The following KIR2DL1 variants were observed in gnomAD, a reference collection of about 807,000 sequenced individuals.
KIR2DL1 encodes killer cell immunoglobulin-like receptor 2DL1.
A neutral mutation model predicts 33.9 loss-of-function variants in KIR2DL1; 38 were observed. The ratio of observed to expected loss-of-function variants is 1.12; its 90% CI spans 0.86 to 1.47. The LOEUF is 1.47. Among genes scored for constraint, KIR2DL1 ranks in the 40% most tolerant of loss-of-function variants. The pLI is 0.00. For synonymous variants in KIR2DL1, 179 were observed against 165.9 expected (o/e 1.08, Z -0.61); for missense variants, 531 against 433.9 (o/e 1.22, Z -1.99).
At position 54,775,519 on chromosome 19, in the gene KIR2DL1, C is replaced by T. The variant is rs2076227690; in HGVS notation, c.664+61C>T. The T allele has an allele frequency of 4.0e-6, 6 of 1,485,230 alleles. No individual in the cohort carries two copies. The Admixed American group carries it at 7.6e-5, about 19-fold the overall frequency. 92.0% of individuals were successfully genotyped at this position (1,485,230 alleles called of 1,614,324 possible). A position where few individuals can be genotyped will look rare whatever the true frequency, so the allele number is the denominator to read the frequency against. On this transcript the variant is annotated intron_variant, in intron 4 of 7. Transcript: ENST00000336077. ...TCCTAGAGCCTTAGCTGAGGAGCTTCCTGCTGAGGATGGAGAGAAGCATGG... is the reference window on the plus strand; with the variant it reads ...TCCTAGAGCCTTAGCTGAGGAGCTTTCTGCTGAGGATGGAGAGAAGCATGG...
In KIR2DL1 at chr19:54,769,857, C is replaced by T. The variant is rs369195922; in HGVS notation, c.7C>T (p.Leu3Phe). The T allele has an allele frequency of 7.0e-6, 11 of 1,570,488 alleles. No homozygotes were observed. The highest frequency in any genetic ancestry group is 8.7e-6 in the Non-Finnish European group (10 of 1,147,608). ...TGTCTGCTCCGGCAGCACCATGTCG[C>T]TCTTGGTCGTCAGCATGGCGTGTGT... MS[L>F]LVVSMACVGF... is the part of the protein sequence containing the mutation. Residue 3 changes from leucine (L) to phenylalanine (F), a missense_variant, in exon 1 of 8, where the codon CTC becomes TTC. Transcript: ENST00000336077.
At chr19:54,775,501 G>C in intron 4 of KIR2DL1, 43 bp downstream of exon 4, 1 of 1,529,874 alleles carries the variant, frequency 6.5e-7, no homozygotes, top group Admixed American at 1.9e-5. Flanking sequence ...TGATCCTAGA[G>C]CCTTAGCTGA....
intron 5 of KIR2DL1, among the ~76,000 whole-genome samples, chr19:54,779,143 T>A (rs1219994583): frequency 1.3e-5 from 2 of 148,352 alleles, no homozygotes; most frequent in Admixed American, 1.4e-4. Context: ...ACACTTCGAC[T>A]CACTGACTCA....
At position 54,774,270 on chromosome 19, in the gene KIR2DL1, G is replaced by C. The variant is rs1386136698; in HGVS notation, c.370+638G>C. On this transcript the variant is annotated intron_variant, in intron 3 of 7. Coordinates refer to ENST00000336077, the MANE Select transcript of KIR2DL1 (RefSeq NM_014218.3). ...GAAATCAGGGACACCAAAAAGCAAAGACATAAACACACAGAGAATGAGCCA... is the reference window on the plus strand; with the variant it reads ...GAAATCAGGGACACCAAAAAGCAAACACATAAACACACAGAGAATGAGCCA... Among the ~76,000 whole-genome samples the C allele has an allele frequency of 3.2e-4, 48 of 148,164 alleles. 2 individuals are homozygous for C. The highest frequency in any genetic ancestry group is 5.6e-4 in the Non-Finnish European group (37 of 66,192).
At chr19:54,773,258 G>A (rs1231815337) in intron 2 of KIR2DL1, 75 bp from the exon 3 acceptor site, 3 of 1,448,972 alleles carry the variant, frequency 2.1e-6, no homozygotes, top group African/African-American at 1.4e-5. Flanking sequence ...GGAAGGGGAA[G>A]CCTGACTCAA....
intron 3 of KIR2DL1, among the ~76,000 whole-genome samples, chr19:54,774,715 G>T (rs2076127743): frequency 6.8e-6 from 1 of 147,884 alleles, no homozygotes; most frequent in African/African-American, 2.5e-5. Context: ...GATAATAGAT[G>T]ATTGATGGAT....
chr19:54,781,903 C>G (rs1344505685), intron 5 of KIR2DL1, among the ~76,000 whole-genome samples: 5 of 151,980 alleles, frequency 3.3e-5, no homozygotes, highest in African/African-American at 1.2e-4. Context: ...CCAGTCTTCC[C>G]AGAGAAGACT....
At position 54,775,256 on chromosome 19, in the gene KIR2DL1, C is replaced by T. The variant is rs765401207; in HGVS notation, c.462C>T (p.Ser154=). The T allele has an allele frequency of 1.5e-5, 24 of 1,603,104 alleles. 1 individual carries two copies. The Middle Eastern group carries it at 6.7e-4, about 44-fold the overall frequency. The part of the protein sequence containing the change: ...NVTLSCSSRS[S]YDMYHLSREG... Reference sequence around the variant, plus strand: ...CCTTGTCCTGCAGCTCCCGGAGCTCCTATGACATGTACCATCTATCCAGGG... The same window carrying T: ...CCTTGTCCTGCAGCTCCCGGAGCTCTTATGACATGTACCATCTATCCAGGG... Residue 154 remains serine, a synonymous_variant, in exon 4 of 8, where the codon TCC becomes TCT. Transcript: ENST00000336077.
At chr19:54,780,225 A>G (rs2076792881) in intron 5 of KIR2DL1, 2 of 476,838 alleles carry the variant, frequency 4.2e-6, no homozygotes, top group East Asian at 6.0e-5. Flanking sequence ...TCAATAATAG[A>G]TAATGCTGAG....
chr19:54,781,707 A>G lies in KIR2DL1; in HGVS notation c.716-1215A>G, dbSNP rs1600858787. Among the ~76,000 whole-genome samples the G allele has an allele frequency of 5.9e-5, 9 of 152,208 alleles. No homozygotes were observed. The South Asian group carries it at 1.9e-3, about 32-fold the overall frequency. On this transcript the variant is annotated intron_variant, in intron 5 of 7. Transcript: ENST00000336077. ...TAATATGTGTCTCCCGAGATCACAA[A>G]GAGCAGCAGGTTTCACACGGGCTTC...
At chr19:54,780,687 G>C (rs1162519009) in intron 5 of KIR2DL1, among the ~76,000 whole-genome samples, 7 of 142,482 alleles carry the variant, frequency 4.9e-5, no homozygotes, top group Non-Finnish European at 1.1e-4. Context: ...AATGAATGAA[G>C]TAGATGGATA....
rs537689412 is a variant in KIR2DL1 at position 54,775,323 on chromosome 19, G to T, written c.529G>T (p.Val177Phe). 1 of 1,515,324 alleles carries T rather than the reference G, an allele frequency of 6.6e-7. No homozygotes were observed. The highest frequency in any genetic ancestry group is 1.9e-5 in the Admixed American group (1 of 53,360). 93.9% of individuals were successfully genotyped at this position (1,515,324 alleles called of 1,614,324 possible). The change falls in exon 4 of 8, where the codon GTC (valine) becomes TTC (phenylalanine). Residue 177 changes from valine (V) to phenylalanine (F), a missense_variant. Physicochemically the swap from Val to Phe is conservative, Grantham distance 50 (BLOSUM62 -1). Coordinates refer to ENST00000336077, the MANE Select transcript of KIR2DL1 (RefSeq NM_014218.3). ...ACGTAGGCTCCCTGCAGGGCCCAAG[G>T]TCAACGGAACATTCCAGGCTGACTT... is the stretch of plus-strand genomic sequence containing the variant. ...HERRLPAGPK[V>F]NGTFQADFPL...
Position 54,783,914 on chromosome 19 carries a change from C to T in KIR2DL1, c.*101C>T, listed in dbSNP as rs1179026987. On this transcript the variant is annotated 3_prime_UTR_variant, in exon 8 of 8. Transcript: ENST00000336077. ...TGTACCAGCAGCTGGAATCTGAAGGCGTGAGTCTGCATCTTAGGGCATCGA... is the reference window on the plus strand; with the variant it reads ...TGTACCAGCAGCTGGAATCTGAAGGTGTGAGTCTGCATCTTAGGGCATCGA... 79 of 1,509,802 alleles carry T rather than the reference C, an allele frequency of 5.2e-5. No individual in the cohort carries two copies. Among genetic ancestry groups the T allele is most frequent in the Middle Eastern group, 3.4e-4 (2 of 5,892 alleles). The allele number at this position is 1,509,802 out of a possible 1,614,324, so 93.5% of individuals were successfully genotyped here.
Position 54,770,536 on chromosome 19 carries a change from C to T in KIR2DL1, c.35-313C>T, listed in dbSNP as rs1359366221. ...TAAGGGCCTGGATTGGAGATATGGG[C>T]CCAGGGTGGAGATCTGAGCCTGGAT... On this transcript the variant is annotated intron_variant, in intron 1 of 7. Coordinates refer to ENST00000336077, the MANE Select transcript of KIR2DL1 (RefSeq NM_014218.3). Among the ~76,000 whole-genome samples, 265 of 145,208 alleles carry T rather than the reference C, an allele frequency of 1.8e-3. 14 individuals carry two copies. Among genetic ancestry groups the T allele is most frequent in the African/African-American group, 6.6e-3 (263 of 39,564 alleles).
Position 54,772,746 on chromosome 19 carries a change from G to C in KIR2DL1, c.71-587G>C, listed in dbSNP as rs1412931117. ...AATTAAAGAAACCAAACAAGGAGAA[G>C]GTTGGCTACACTGAGATCAGCAAGG... On this transcript the variant is annotated intron_variant, in intron 2 of 7. Coordinates refer to ENST00000336077, the MANE Select transcript of KIR2DL1 (RefSeq NM_014218.3). Among the ~76,000 whole-genome samples, 11 of 144,020 alleles carry C rather than the reference G, an allele frequency of 7.6e-5. 2 individuals carry two copies. The highest frequency in any genetic ancestry group is 2.8e-4 in the African/African-American group (11 of 39,178). 94.5% of individuals were successfully genotyped at this position (144,020 alleles called of 152,430 possible).
chr19:54,776,658 G>A (rs1174338787), intron 4 of KIR2DL1, among the ~76,000 whole-genome samples: 21 of 106,308 alleles, frequency 2.0e-4, no homozygotes, highest in Non-Finnish European at 1.2e-4. Flanking sequence ...TTTCTTTTTT[G>A]AGAAAGAGTT....
intron 5 of KIR2DL1, among the ~76,000 whole-genome samples, chr19:54,779,435 G>A (rs611426): frequency 2.9e-3 from 384 of 134,100 alleles, no homozygotes; most frequent in South Asian, 4.8e-3. Context: ...CTTCCTCAAA[G>A]CCCACAAAGA....
At chr19:54,777,442 C>G (rs673097) in intron 4 of KIR2DL1, among the ~76,000 whole-genome samples, 3 of 148,630 alleles carry the variant, frequency 2.0e-5, no homozygotes, top group African/African-American at 4.9e-5. Context: ...TTTTAATTTG[C>G]GTTTCTCTGA....
chr19:54,783,513 CA>C lies in KIR2DL1; in HGVS notation c.846del (p.Gly283GlufsTer18). On this transcript the variant is annotated frameshift_variant, in exon 7 of 8. Transcript: ENST00000336077. LOFTEE classifies it low-confidence loss of function (END_TRUNC). ...KNAAVMDQESAGNRTANSEDS... is the reference protein window; with the variant it reads ...KNAAVMDQESXGNRTANSEDS... ...GCTGCGGTAATGGACCAAGAGTCTG[CA>C]GGAAACAGAACAGCGAATAGCGAGG... 1 of 1,613,658 alleles carries C rather than the reference CA, an allele frequency of 6.2e-7. No individual in the cohort carries two copies. Among genetic ancestry groups the C allele is most frequent in the East Asian group, 2.2e-5 (1 of 44,874 alleles).
Sources: allele counts gnomAD v4.1 joint callset (sites outside exome capture counted in the v4.1 genomes callset), GRCh38; gene constraint gnomAD v4.1.1; transcripts MANE v1.5; gene names NCBI Gene and HGNC (gene_info 2026-07-23, HGNC 2026-07-21).